The following RARB variants were observed in gnomAD, a reference collection of about 807,000 sequenced individuals.
RARB encodes the protein retinoic acid receptor beta.
Under a neutral mutation model 51.9 loss-of-function variants are expected in RARB, and 17 were observed. The observed-to-expected ratio is 0.33, with a 90% CI of 0.22 to 0.49. RARB has a LOEUF of 0.49. RARB is among the 20% of genes least tolerant of loss of function. RARB has a pLI of 0.99. For missense variants in RARB, 369 were observed against 550.8 expected, an observed-to-expected ratio of 0.67 and a Z score of 3.30; for synonymous variants, 215 against 195.4, an observed-to-expected ratio of 1.10 and a Z score of -0.84.
chr3:25,092,737 A>G (rs1269224929), intron 3 of RARB, among the ~76,000 whole-genome samples: 1 of 152,016 alleles, frequency 6.6e-6, no homozygotes. Context: ...CTTGCCATGT[A>G]ATTGTTACTG....
chr3:25,406,111 C>A (rs892686462), intron 5 of RARB, among the ~76,000 whole-genome samples: 1 of 152,182 alleles, frequency 6.6e-6, no homozygotes, highest in African/African-American at 2.4e-5. Context: ...TCTCCATTCC[C>A]GTGACTCTGA....
intron 3 of RARB, among the ~76,000 whole-genome samples, chr3:25,538,897 T>C (rs1026451517): frequency 6.6e-6 from 1 of 152,242 alleles, no homozygotes; most frequent in African/African-American, 2.4e-5. Flanking sequence ...AAGCAGTTGA[T>C]GTCACATTTT....
intron 3 of RARB, among the ~76,000 whole-genome samples, chr3:25,117,180 A>G (rs561361198): frequency 3.2e-4 from 49 of 152,316 alleles, no homozygotes; most frequent in African/African-American, 1.2e-3. Context: ...GTCCTACAGC[A>G]TGGCAGAGAA....
At chr3:25,512,094 T>C (rs1697923486) in intron 3 of RARB, among the ~76,000 whole-genome samples, 1 of 152,186 alleles carries the variant, frequency 6.6e-6, no homozygotes, top group Admixed American at 6.5e-5. Flanking sequence ...ACCTACTTCA[T>C]GTGGCTATTG....
intron 5 of RARB, chr3:25,259,193 G>A: frequency 6.6e-6 from 4 of 610,186 alleles, no homozygotes; most frequent in Non-Finnish European, 8.2e-6. Flanking sequence ...CACTGTGGAA[G>A]AGACATCTCG....
Position 25,549,449 on chromosome 3 carries a change from G to A in RARB, c.449-20309G>A, listed in dbSNP as rs945089961. On this transcript the variant is annotated intron_variant, in intron 3 of 7. Coordinates refer to ENST00000330688, the MANE Select transcript of RARB (RefSeq NM_000965.5). ...TTCAGACTCGGCCAAATTGGTAGAG[G>A]AAATACAGGTTGGGAAGGATCAAGC... Among the ~76,000 whole-genome samples, 4 of 152,156 alleles carry A rather than the reference G, an allele frequency of 2.6e-5. No homozygotes were observed. In the South Asian group the frequency reaches 8.3e-4, roughly 32 times the overall value.
chr3:25,359,416 A>AAC (rs1705855693), intron 5 of RARB, among the ~76,000 whole-genome samples: 1 of 151,704 alleles, frequency 6.6e-6, no homozygotes, highest in Admixed American at 6.6e-5. Flanking sequence ...ATTTTTTAAA[A>AAC]AAATACCACC....
chr3:25,206,532 G>A (rs1017216923), intron 5 of RARB, among the ~76,000 whole-genome samples: 3 of 152,110 alleles, frequency 2.0e-5, no homozygotes, highest in Admixed American at 6.6e-5. Context: ...AACCTTTCGA[G>A]AAAATCTTTT....
At chr3:25,033,586 T>C (rs1318450378) in intron 2 of RARB, among the ~76,000 whole-genome samples, 1 of 152,106 alleles carries the variant, frequency 6.6e-6, no homozygotes, top group East Asian at 1.9e-4. Flanking sequence ...CCGATTATGT[T>C]GACAATCAGG....
intron 2 of RARB, among the ~76,000 whole-genome samples, chr3:25,037,846 G>A (rs1698029943): frequency 6.6e-6 from 1 of 152,134 alleles, no homozygotes; most frequent in East Asian, 1.9e-4. Flanking sequence ...TTAGCTTGAA[G>A]GATCTGCAAA....
chr3:25,343,307 C>T lies in RARB; in HGVS notation c.179-117886C>T, dbSNP rs760014532. Among the ~76,000 whole-genome samples the T allele has an allele frequency of 7.2e-5, 11 of 152,156 alleles. No individual in the cohort carries two copies. The South Asian group carries it at 2.1e-3, about 29-fold the overall frequency. On this transcript the variant is annotated intron_variant, in intron 5 of 11. Transcript: ENST00000383772. ...CAGTTTCTCTGGTCCCAGAAGAGTG[C>T]CATGCCTATAGCATATTATCAGTCA...
intron 4 of RARB, among the ~76,000 whole-genome samples, chr3:25,144,566 G>A (rs1700158017): frequency 6.6e-6 from 1 of 152,170 alleles, no homozygotes; most frequent in Non-Finnish European, 1.5e-5. Context: ...AAAAGGAAAA[G>A]TTTCCCTAAG....
At chr3:25,077,085 A>G (rs537713040) in intron 3 of RARB, among the ~76,000 whole-genome samples, 1 of 152,358 alleles carries the variant, frequency 6.6e-6, no homozygotes, top group South Asian at 2.1e-4. Context: ...GGGCCCAGAT[A>G]GAAATACATT....
At chr3:25,129,600 G>A (rs911340040) in intron 3 of RARB, among the ~76,000 whole-genome samples, 2 of 151,876 alleles carry the variant, frequency 1.3e-5, no homozygotes, top group East Asian at 3.9e-4. Context: ...TCTTCAATAA[G>A]CATAAAATAT....
intron 4 of RARB, among the ~76,000 whole-genome samples, chr3:25,165,991 T>TA (rs888150217): frequency 2.0e-5 from 3 of 152,076 alleles, no homozygotes; most frequent in East Asian, 1.9e-4. Flanking sequence ...CTAAGCTTCT[T>TA]AAAAAAAATT....
chr3:25,368,486 G>C (rs1049689727), intron 5 of RARB, among the ~76,000 whole-genome samples: 5 of 152,156 alleles, frequency 3.3e-5, no homozygotes, highest in Admixed American at 3.3e-4. Flanking sequence ...GATGTTTACT[G>C]TAATATATTA....
At chr3:24,971,906 T>A (rs1696406846) in intron 2 of RARB, among the ~76,000 whole-genome samples, 1 of 152,018 alleles carries the variant, frequency 6.6e-6, no homozygotes, top group African/African-American at 2.4e-5. Flanking sequence ...ATAATGGATG[T>A]ACATATTTTT....
chr3:25,200,950 G>T (rs897946085), intron 5 of RARB, among the ~76,000 whole-genome samples: 13 of 152,086 alleles, frequency 8.5e-5, no homozygotes, highest in Admixed American at 4.6e-4. Context: ...CATATGAAGT[G>T]TAAAGTAGTT....
At chr3:25,371,362 G>C (rs1042033584) in intron 5 of RARB, among the ~76,000 whole-genome samples, 1 of 152,198 alleles carries the variant, frequency 6.6e-6, no homozygotes, top group East Asian at 1.9e-4. Context: ...CTACAGTGCT[G>C]ATGGGGCAAA....
Sources: gnomAD v4.1 joint callset for allele counts (sites outside exome capture counted in the v4.1 genomes callset) on GRCh38, gnomAD v4.1.1 for gene constraint, MANE v1.5 for transcripts, NCBI Gene and HGNC (gene_info 2026-07-23, HGNC 2026-07-21) for gene names.